ACAP1: variants seen among roughly 807,000 people sequenced by gnomAD.
ACAP1 encodes the protein ArfGAP with coiled-coil, ankyrin repeat and PH domains 1, also known as arf-GAP with coiled-coil, ANK repeat and PH domain-containing protein 1.
ACAP1 carries 45 observed loss-of-function variants against 98.8 expected under a neutral mutation model. That is an observed-to-expected ratio of 0.46 (90% confidence interval 0.36 to 0.58). ACAP1 has a LOEUF of 0.58. Ranked by LOEUF, ACAP1 falls within the 20% of genes least tolerant of loss-of-function variation. The probability of loss-of-function intolerance (pLI) is 0.00; values close to 1 mark genes in which losing one functional copy is unlikely to be tolerated. For missense variants in ACAP1, 735 were observed against 971.4 expected, an observed-to-expected ratio of 0.76 and a Z score of 3.24; for synonymous variants, 362 against 375.3, an observed-to-expected ratio of 0.96 and a Z score of 0.41.
chr17:7,336,916 C>G lies in ACAP1; in HGVS notation c.53+129C>G, dbSNP rs556718956. The G allele has an allele frequency of 8.8e-5, 85 of 961,368 alleles. 1 individual carries two copies. The South Asian group carries it at 1.2e-3, about 13-fold the overall frequency. 59.6% of individuals were successfully genotyped at this position (961,368 alleles called of 1,614,324 possible). On this transcript the variant is annotated intron_variant, in intron 1 of 21. Coordinates refer to ENST00000158762, the MANE Select transcript of ACAP1 (RefSeq NM_014716.4). ...TAAGAGGCAGGAGCGAGCCTGTGGGCCAAAGTGGTACCCCAGCTGTGAAAG... is the reference window on the plus strand; with the variant it reads ...TAAGAGGCAGGAGCGAGCCTGTGGGGCAAAGTGGTACCCCAGCTGTGAAAG...
rs1422707049 is a variant in ACAP1 at position 7,337,372 on chromosome 17, G to A, written c.111+3G>A. On this transcript the variant is annotated splice_donor_region_variant and intron_variant, in intron 2 of 21. Coordinates refer to ENST00000158762, the MANE Select transcript of ACAP1 (RefSeq NM_014716.4). Reference sequence around the variant, plus strand: ...AATTGGAGACCCGTCTGGAAAAGGTGACCCTGACATGGAGAGGTGACCCAG... The same window carrying A: ...AATTGGAGACCCGTCTGGAAAAGGTAACCCTGACATGGAGAGGTGACCCAG... 2 of 1,614,114 alleles carry A rather than the reference G, an allele frequency of 1.2e-6. No individual in the cohort carries two copies. Among genetic ancestry groups the A allele is most frequent in the South Asian group, 1.1e-5 (1 of 91,072 alleles).
At chr17:7,339,374 G>A (rs2073253017) in intron 2 of ACAP1, among the ~76,000 whole-genome samples, 1 of 152,124 alleles carries the variant, frequency 6.6e-6, no homozygotes, top group Non-Finnish European at 1.5e-5. Flanking sequence ...ACTTTGGTAG[G>A]CTGCGGCAGG....
chr17:7,349,168 G>GT lies in ACAP1; in HGVS notation c.1851+2dup. On this transcript the variant is annotated splice_donor_variant, in intron 18 of 21. Transcript: ENST00000158762. LOFTEE classifies it high-confidence loss of function. ...ACCGCTGATCCAGGCCACAGCTGCTGTAAGAGCCCTGCTGACCTCTCCACC... is the reference window on the plus strand; with the variant it reads ...ACCGCTGATCCAGGCCACAGCTGCTGTTAAGAGCCCTGCTGACCTCTCCACC... 2 of 1,613,790 alleles carry GT rather than the reference G, an allele frequency of 1.2e-6. No homozygotes were observed. The highest frequency in any genetic ancestry group is 1.7e-6 in the Non-Finnish European group (2 of 1,179,934).
At position 7,344,541 on chromosome 17, in the gene ACAP1, G is replaced by A; in HGVS notation, c.747G>A (p.Glu249=). 11 of 1,550,920 alleles carry A rather than the reference G, an allele frequency of 7.1e-6. No individual in the cohort carries two copies. Among genetic ancestry groups the A allele is most frequent in the Non-Finnish European group, 9.6e-6 (11 of 1,146,794 alleles). Residue 249 remains glutamate (E), a splice_region_variant and synonymous_variant, in exon 10 of 22, where the codon GAG becomes GAA. Transcript: ENST00000158762. This position sits in a 1 kb window ranked among gnomAD's most constrained non-coding sequence, Gnocchi z 4.9. ...CTTTGATCCTCTTGTGCCTCCAGGA[G>A]CTGGGTGGGGAGGAGCCAGAACCAA... ...EQRHVLLKQK[E]LGGEEPEPSL...
In ACAP1 at chr17:7,341,996, G is replaced by A. The variant is rs1277890441; in HGVS notation, c.160G>A (p.Ala54Thr). ...GLLESGRHYL[A>T]ASRAFVVGIC... ...CCTGGAAAGTGGGCGCCATTACCTTGCTGCCAGCCGCGCCTTCGTTGTCGG... is the reference window on the plus strand; with the variant it reads ...CCTGGAAAGTGGGCGCCATTACCTTACTGCCAGCCGCGCCTTCGTTGTCGG... Residue 54 changes from alanine (A) to threonine (T), a missense_variant, in exon 3 of 22, where the codon GCT becomes ACT. This residue lies in a region of ACAP1 where 430 missense variants were observed against 531.8 expected (regional missense o/e 0.81). Transcript: ENST00000158762. 8 of 1,614,162 alleles carry A rather than the reference G, an allele frequency of 5.0e-6. No individual in the cohort carries two copies. In the East Asian group the frequency reaches 1.3e-4, roughly 27 times the overall value.
chr17:7,350,445 G>C lies in ACAP1; in HGVS notation c.2072+208G>C. On this transcript the variant is annotated intron_variant, in intron 20 of 21. Transcript: ENST00000158762. This position sits in a 1 kb window ranked among gnomAD's most constrained non-coding sequence, Gnocchi z 4.6. Reference sequence around the variant, plus strand: ...TGGAGTAGAAGGCAGGCGGGAGGGCGGGCAGGGTGCAAGGATGCTTGGCCC... The same window carrying C: ...TGGAGTAGAAGGCAGGCGGGAGGGCCGGCAGGGTGCAAGGATGCTTGGCCC... 1.7e-6 allele frequency: 1 copy of C among 585,494 alleles called. No homozygotes were observed. The highest frequency in any genetic ancestry group is 3.0e-6 in the Non-Finnish European group (1 of 328,186). 36.3% of individuals were successfully genotyped at this position (585,494 alleles called of 1,614,324 possible).
In ACAP1 at chr17:7,343,178, T is replaced by C. The variant is rs2073309058; in HGVS notation, c.345-201T>C. ...CTCGGAAACCAGCCCTGCTGCCCTC[T>C]TCCCATGGCCACAGGAGCCTCCCCA... On this transcript the variant is annotated intron_variant, in intron 5 of 21. Coordinates refer to ENST00000158762, the MANE Select transcript of ACAP1 (RefSeq NM_014716.4). The surrounding 1 kb of genome is among the most constrained non-coding windows in gnomAD (Gnocchi z 4.9). 5.6e-6 allele frequency: 3 copies of C among 533,282 alleles called. No homozygotes were observed. The highest frequency in any genetic ancestry group is 6.8e-5 in the Admixed American group (2 of 29,222). The allele number at this position is 533,282 out of a possible 1,614,324, so 33.0% of individuals were successfully genotyped here. A position where few individuals can be genotyped will look rare whatever the true frequency, so the allele number is the denominator to read the frequency against.
rs1400748361 is a variant in ACAP1, at chr17:7,351,425, C to T, written c.*30C>T. On this transcript the variant is annotated 3_prime_UTR_variant, in exon 22 of 22. Transcript: ENST00000158762. Reference sequence around the variant, plus strand: ...AGGCCCACGGGGCCCGCGCCTGCCTCCCTTCCCCGCCACCGGGCCCTCTGC... The same window carrying T: ...AGGCCCACGGGGCCCGCGCCTGCCTTCCTTCCCCGCCACCGGGCCCTCTGC... 6.6e-7 allele frequency: 1 copy of T among 1,525,964 alleles called. No homozygotes were observed. The highest frequency in any genetic ancestry group is 9.0e-7 in the Non-Finnish European group (1 of 1,110,372). The allele number at this position is 1,525,964 out of a possible 1,614,324, so 94.5% of individuals were successfully genotyped here. A position where few individuals can be genotyped will look rare whatever the true frequency, so the allele number is the denominator to read the frequency against.
chr17:7,344,401 AC>A lies in ACAP1; in HGVS notation c.745-135del. On this transcript the variant is annotated intron_variant, in intron 9 of 21. Coordinates refer to ENST00000158762, the MANE Select transcript of ACAP1 (RefSeq NM_014716.4). This position sits in a 1 kb window ranked among gnomAD's most constrained non-coding sequence, Gnocchi z 4.9. Reference sequence around the variant, plus strand: ...ACTTAAGCCTGGGTGAAAGAACAAGACCCTGTCTCTAAAAATAAATTTTAAA... The same window carrying A: ...ACTTAAGCCTGGGTGAAAGAACAAGACCTGTCTCTAAAAATAAATTTTAAA... The A allele has an allele frequency of 1.4e-6, 1 of 714,064 alleles. No homozygotes were observed. The highest frequency in any genetic ancestry group is 2.3e-6 in the Non-Finnish European group (1 of 428,510). 44.2% of individuals were successfully genotyped at this position (714,064 alleles called of 1,614,324 possible). A position where few individuals can be genotyped will look rare whatever the true frequency, so the allele number is the denominator to read the frequency against.
At chr17:7,337,227 C>T (rs1704966591) in intron 1 of ACAP1, 85 bp from the exon 2 acceptor site, 2 of 1,305,706 alleles carry the variant, frequency 1.5e-6, no homozygotes, top group Non-Finnish European at 1.1e-6. Flanking sequence ...CCTCCGTACC[C>T]ACCGCCCTGC....
In ACAP1 at chr17:7,344,443, C is replaced by T. The variant is rs2073327895; in HGVS notation, c.745-96C>T. On this transcript the variant is annotated intron_variant, in intron 9 of 21. Coordinates refer to ENST00000158762, the MANE Select transcript of ACAP1 (RefSeq NM_014716.4). The surrounding 1 kb of genome is among the most constrained non-coding windows in gnomAD (Gnocchi z 4.9). ...AAATTTTAAAAAGTATTTCAAAAAG[C>T]AGAAAGTAAGGGCTAGGGCTGTGGG... 5.4e-5 allele frequency: 48 copies of T among 891,998 alleles called. 1 individual carries two copies. The South Asian group carries it at 6.9e-4, about 13-fold the overall frequency. 55.3% of individuals were successfully genotyped at this position (891,998 alleles called of 1,614,324 possible). A position where few individuals can be genotyped will look rare whatever the true frequency, so the allele number is the denominator to read the frequency against.
chr17:7,349,176 C>G lies in ACAP1; in HGVS notation c.1851+9C>G. On this transcript the variant is annotated intron_variant, in intron 18 of 21. Transcript: ENST00000158762. The stretch of plus-strand genomic sequence containing the variant: ...TCCAGGCCACAGCTGCTGTAAGAGC[C>G]CTGCTGACCTCTCCACCCCACCCTA... 1 of 1,613,520 alleles carries G rather than the reference C, an allele frequency of 6.2e-7. No homozygotes were observed. The highest frequency in any genetic ancestry group is 8.5e-7 in the Non-Finnish European group (1 of 1,179,808).
At chr17:7,346,602 A>G (rs1367403158) in intron 12 of ACAP1, 111 bp downstream of exon 12, 1 of 1,229,604 alleles carries the variant, frequency 8.1e-7, no homozygotes, top group African/African-American at 1.5e-5. Flanking sequence ...CTTTAATTTA[A>G]TTCTTTGGCG....
Position 7,349,001 on chromosome 17 carries a change from C to G in ACAP1, c.1685C>G (p.Pro562Arg), listed in dbSNP as rs1055232307. 1.7e-5 allele frequency: 27 copies of G among 1,612,882 alleles called. No individual in the cohort carries two copies. The East Asian group carries it at 2.9e-4, about 17-fold the overall frequency. Residue 562 changes from proline to arginine, a missense_variant, in exon 18 of 22, where the codon CCC (proline) becomes CGC (arginine). By Grantham distance (103) the Pro-to-Arg change is moderately radical. Around this residue, in one of 5 missense-constraint regions of ACAP1, gnomAD observed 80 missense variants for 64.4 expected, o/e 1.24. Transcript: ENST00000158762. Reference sequence around the variant, plus strand: ...AACCAAATCCCCCGAACAGAGCCCCCCTCTGAGGACCTGGGAAGCCTGCAC... The same window carrying G: ...AACCAAATCCCCCGAACAGAGCCCCGCTCTGAGGACCTGGGAAGCCTGCAC... ...PGSLRSKPEP[P>R]SEDLGSLHPG...
rs1027324105 is a variant in ACAP1, at chr17:7,350,593, G to C, written c.2072+356G>C. ...CCCAGCTCAAAGGATGGGAAGTTGT[G>C]GGGGAGGTGAGGATAGTCTTTTTTT... On this transcript the variant is annotated intron_variant, in intron 20 of 21. Transcript: ENST00000158762. This position sits in a 1 kb window ranked among gnomAD's most constrained non-coding sequence, Gnocchi z 4.6. 4.7e-6 allele frequency: 2 copies of C among 425,944 alleles called. No homozygotes were observed. The highest frequency in any genetic ancestry group is 4.1e-5 in the African/African-American group (2 of 48,226). The allele number at this position is 425,944 out of a possible 1,614,324, so 26.4% of individuals were successfully genotyped here.
In ACAP1 at chr17:7,348,989, G is replaced by A. The variant is rs760012825; in HGVS notation, c.1679-6G>A. Reference sequence around the variant, plus strand: ...TCCCCCTAACAGAACCAAATCCCCCGAACAGAGCCCCCCTCTGAGGACCTG... The same window carrying A: ...TCCCCCTAACAGAACCAAATCCCCCAAACAGAGCCCCCCTCTGAGGACCTG... On this transcript the variant is annotated splice_polypyrimidine_tract_variant and splice_region_variant and intron_variant, in intron 17 of 21. Coordinates refer to ENST00000158762, the MANE Select transcript of ACAP1 (RefSeq NM_014716.4). 2.2e-5 allele frequency: 35 copies of A among 1,611,692 alleles called. No individual in the cohort carries two copies. In the East Asian group the frequency reaches 3.6e-4, roughly 16 times the overall value.
chr17:7,351,150 A>G (rs539827764), intron 21 of ACAP1, 145 bp from the exon 22 acceptor site: 6 of 1,093,288 alleles, frequency 5.5e-6, no homozygotes, highest in Non-Finnish European at 8.1e-6. Context: ...GGCCCTGGCA[A>G]GGCATAGGTG....
At position 7,344,186 on chromosome 17, in the gene ACAP1, A is replaced by T; in HGVS notation, c.744+63A>T. ...CAACATGTTGGGAGGCTGAGGTGGG[A>T]AGATTGCTTGAGGCCTGGAGTTCAA... is the stretch of plus-strand genomic sequence containing the variant. On this transcript the variant is annotated intron_variant, in intron 9 of 21. Transcript: ENST00000158762. The surrounding 1 kb of genome is among the most constrained non-coding windows in gnomAD (Gnocchi z 4.9). The T allele has an allele frequency of 6.6e-7, 1 of 1,516,404 alleles. No individual in the cohort carries two copies. The highest frequency in any genetic ancestry group is 2.0e-5 in the Admixed American group (1 of 50,800). 93.9% of individuals were successfully genotyped at this position (1,516,404 alleles called of 1,614,324 possible).
At chr17:7,346,542 A>G in intron 12 of ACAP1, 51 bp downstream of exon 12, 7 of 1,482,480 alleles carry the variant, frequency 4.7e-6, no homozygotes, top group Non-Finnish European at 5.5e-6. Flanking sequence ...ACAACTGCCA[A>G]TCTGAAAGGC....
Sources: allele counts gnomAD v4.1 joint callset (sites outside exome capture counted in the v4.1 genomes callset), GRCh38; gene constraint gnomAD v4.1.1; regional missense constraint gnomAD v4.1.1; non-coding constraint Gnocchi (gnomAD v3.1); transcripts MANE v1.5; gene names NCBI Gene and HGNC (gene_info 2026-07-23, HGNC 2026-07-21).